PLA2G2F: variants seen among roughly 807,000 people sequenced by gnomAD.
PLA2G2F encodes the protein group IIF secretory phospholipase A2.
In PLA2G2F, 17 loss-of-function variants were observed where a neutral mutation model predicts 15.9. The ratio of observed to expected loss-of-function variants is 1.07; its 90% confidence interval spans 0.73 to 1.60. The LOEUF (loss-of-function observed/expected upper bound fraction) is 1.60, where lower values mean the gene tolerates loss of function less well. Ranked by LOEUF, PLA2G2F falls within the 40% of genes most tolerant of loss-of-function variation. PLA2G2F has a pLI of 0.00. For missense variants in PLA2G2F, 299 were observed against 278.2 expected (o/e 1.07, Z -0.53); for synonymous variants, 119 against 106.5 (o/e 1.12, Z -0.72).
rs569735640 is a variant in PLA2G2F, at chr1:20,140,221, G to A, written c.169+3G>A. On this transcript the variant is annotated splice_donor_region_variant and intron_variant, in intron 2 of 4. Transcript: ENST00000375102. The stretch of plus-strand genomic sequence containing the variant: ...CGTGGCCATCCTTGCTGGCAGCGGT[G>A]AGTAAAGACTCCAGAGGGCTCCTCC... 20 of 1,613,748 alleles carry A rather than the reference G, an allele frequency of 1.2e-5. No homozygotes were observed. In the East Asian group the frequency reaches 3.3e-4, roughly 27 times the overall value.
chr1:20,148,377 C>T lies in PLA2G2F; in HGVS notation c.612C>T (p.Ser204=). Residue 204 remains serine, a synonymous_variant, in exon 5 of 5, where the codon TCC becomes TCT. Transcript: ENST00000375102. ...PPEEVTCSHQ[S]PAPPAPP ...AGGAGGTCACCTGCAGTCACCAATCCCCAGCGCCCCCCGCCCCTCCCTAGA... is the reference window on the plus strand; with the variant it reads ...AGGAGGTCACCTGCAGTCACCAATCTCCAGCGCCCCCCGCCCCTCCCTAGA... 1.2e-6 allele frequency: 2 copies of T among 1,612,864 alleles called. No homozygotes were observed. Among genetic ancestry groups the T allele is most frequent in the Non-Finnish European group, 1.7e-6 (2 of 1,179,206 alleles).
At chr1:20,142,327 G>C (rs1247470626) in intron 2 of PLA2G2F, 1 of 152,438 alleles carries the variant, frequency 6.6e-6, no homozygotes, top group African/African-American at 2.4e-5. Flanking sequence ...CCTCCAGCCT[G>C]TGGGACCTGG....
intron 4 of PLA2G2F, 61 bp downstream of exon 4, chr1:20,144,750 G>C: frequency 7.3e-7 from 1 of 1,363,578 alleles, no homozygotes; most frequent in Non-Finnish European, 1.0e-6. Context: ...CTACCAGCCT[G>C]TGCTGGGATG....
At position 20,148,427 on chromosome 1, in the gene PLA2G2F, C is replaced by A. The variant is rs556162631; in HGVS notation, c.*26C>A. ...AGCCTCTGAGGTTTGAGAGAGAGAG[C>A]GGGAGGAGGGTCTGGCTTGGGGACC... is the stretch of plus-strand genomic sequence containing the variant. On this transcript the variant is annotated 3_prime_UTR_variant, in exon 5 of 5. Coordinates refer to ENST00000375102, the MANE Select transcript of PLA2G2F (RefSeq NM_022819.4). 6.4e-7 allele frequency: 1 copy of A among 1,574,108 alleles called. No homozygotes were observed. The highest frequency in any genetic ancestry group is 1.3e-5 in the African/African-American group (1 of 74,238).
chr1:20,139,861 C>G (rs1195971875), intron 1 of PLA2G2F, among the ~76,000 whole-genome samples: 1 of 152,130 alleles, frequency 6.6e-6, no homozygotes, highest in Non-Finnish European at 1.5e-5. Context: ...CCCGGACTCC[C>G]TAGTGTGTGC....
chr1:20,149,973 G>C lies in PLA2G2F; in HGVS notation c.*1572G>C, dbSNP rs1362571648. On this transcript the variant is annotated 3_prime_UTR_variant, in exon 5 of 5. Coordinates refer to ENST00000375102, the MANE Select transcript of PLA2G2F (RefSeq NM_022819.4). Reference sequence around the variant, plus strand: ...ATTGTCGCTGGGGAGGGAGAGCCGGGAAGGGTGGAGAAGGAGGCAGAAGGG... The same window carrying C: ...ATTGTCGCTGGGGAGGGAGAGCCGGCAAGGGTGGAGAAGGAGGCAGAAGGG... 6.6e-6 allele frequency: 1 copy of C among 152,342 alleles called. No homozygotes were observed. Among genetic ancestry groups the C allele is most frequent in the African/African-American group, 2.4e-5 (1 of 41,370 alleles). 9.4% of individuals were successfully genotyped at this position (152,342 alleles called of 1,614,324 possible). A position where few individuals can be genotyped will look rare whatever the true frequency, so the allele number is the denominator to read the frequency against.
intron 2 of PLA2G2F, chr1:20,143,143 T>C (rs938364581): frequency 6.7e-6 from 2 of 300,678 alleles, no homozygotes; most frequent in Non-Finnish European, 1.3e-5. Flanking sequence ...AATGGATTCA[T>C]GCACATGGAA....
At position 20,144,583 on chromosome 1, in the gene PLA2G2F, C is replaced by T; in HGVS notation, c.318C>T (p.Cys106=). 1 of 1,608,266 alleles carries T rather than the reference C, an allele frequency of 6.2e-7. No individual in the cohort carries two copies. Among genetic ancestry groups the T allele is most frequent in the Non-Finnish European group, 8.5e-7 (1 of 1,177,150 alleles). The stretch of plus-strand genomic sequence containing the variant: ...ACTCACCTCTGCCGCTCCCTAGGTG[C>T]TGCCACGCCCACGACTGCTGCTACC... The part of the protein sequence containing the change: ...RGQPKDEVDW[C]CHAHDCCYQE... The change falls in exon 4 of 5, where the codon TGC becomes TGT. Residue 106 remains cysteine (C), a synonymous_variant. Coordinates refer to ENST00000375102, the MANE Select transcript of PLA2G2F (RefSeq NM_022819.4).
intron 2 of PLA2G2F, chr1:20,143,194 A>C: frequency 2.2e-6 from 1 of 463,366 alleles, no homozygotes; most frequent in Non-Finnish European, 3.9e-6. Flanking sequence ...AGTCCCTAGC[A>C]AGGATGACCT....
At position 20,143,477 on chromosome 1, in the gene PLA2G2F, C is replaced by T. The variant is rs745699373; in HGVS notation, c.201C>T (p.Asn67=). Reference sequence around the variant, plus strand: ...CCACAGCTCACGGCAGCCTGCTCAACCTGAAGGCCATGGTGGAGGCCGTCA... The same window carrying T: ...CCACAGCTCACGGCAGCCTGCTCAATCTGAAGGCCATGGTGGAGGCCGTCA... ...VLSTAHGSLL[N]LKAMVEAVTG... is the part of the protein sequence containing the mutation. The change falls in exon 3 of 5, where the codon AAC becomes AAT. Residue 67 remains asparagine (N), a synonymous_variant. Coordinates refer to ENST00000375102, the MANE Select transcript of PLA2G2F (RefSeq NM_022819.4). 6.2e-7 allele frequency: 1 copy of T among 1,614,078 alleles called. No homozygotes were observed. The highest frequency in any genetic ancestry group is 1.7e-5 in the Admixed American group (1 of 60,016).
Position 20,148,864 on chromosome 1 carries a change from G to A in PLA2G2F, c.*463G>A, listed in dbSNP as rs1006005155. Reference sequence around the variant, plus strand: ...GCTGGTCACAAAGCATGGGTTCCGGGAGCCCCTCAGCTGATCCCACAGGAT... The same window carrying A: ...GCTGGTCACAAAGCATGGGTTCCGGAAGCCCCTCAGCTGATCCCACAGGAT... On this transcript the variant is annotated 3_prime_UTR_variant, in exon 5 of 5. Coordinates refer to ENST00000375102, the MANE Select transcript of PLA2G2F (RefSeq NM_022819.4). The A allele has an allele frequency of 1.2e-5, 2 of 171,886 alleles. No homozygotes were observed. The highest frequency in any genetic ancestry group is 5.5e-5 in the Admixed American group (1 of 18,264). The allele number at this position is 171,886 out of a possible 1,614,324, so 10.6% of individuals were successfully genotyped here. A position where few individuals can be genotyped will look rare whatever the true frequency, so the allele number is the denominator to read the frequency against.
chr1:20,140,742 C>G (rs2017441262), intron 2 of PLA2G2F: 1 of 157,434 alleles, frequency 6.4e-6, no homozygotes, highest in Admixed American at 6.1e-5. Flanking sequence ...CATAGATCTG[C>G]AGGAGGGTGT....
At position 20,141,428 on chromosome 1, in the gene PLA2G2F, G is replaced by A. The variant is rs956179046; in HGVS notation, c.169+1210G>A. On this transcript the variant is annotated intron_variant, in intron 2 of 4. Coordinates refer to ENST00000375102, the MANE Select transcript of PLA2G2F (RefSeq NM_022819.4). The stretch of plus-strand genomic sequence containing the variant: ...GTGGGGGTGAGTGTGAGTTTGAGGT[G>A]TCTGGGAATGAGTGTGTATGCAAGT... 4 of 152,828 alleles carry A rather than the reference G, an allele frequency of 2.6e-5. No homozygotes were observed. In the Admixed American group the frequency reaches 2.6e-4, roughly 10 times the overall value. The allele number at this position is 152,828 out of a possible 1,614,324, so 9.5% of individuals were successfully genotyped here.
At chr1:20,147,412 T>C (rs1178006184) in intron 4 of PLA2G2F, among the ~76,000 whole-genome samples, 1 of 152,122 alleles carries the variant, frequency 6.6e-6, no homozygotes, top group African/African-American at 2.4e-5. Flanking sequence ...TTTTGAACAA[T>C]TGTTTTTCCC....
chr1:20,142,405 T>A (rs919929694), intron 2 of PLA2G2F: 1 of 152,404 alleles, frequency 6.6e-6, no homozygotes, highest in African/African-American at 2.4e-5. Context: ...GCTCTCCTGC[T>A]GGTGTGTGTA....
chr1:20,144,909 G>C (rs530919914), intron 4 of PLA2G2F, among the ~76,000 whole-genome samples: 3 of 152,102 alleles, frequency 2.0e-5, no homozygotes, highest in Non-Finnish European at 4.4e-5. Context: ...AAAACCCGTC[G>C]CTAGTAAAAA....
intron 3 of PLA2G2F, chr1:20,144,134 G>A (rs769063715): frequency 2.1e-5 from 4 of 190,966 alleles, no homozygotes; most frequent in Admixed American, 5.5e-5. Context: ...TTTCTTGTTC[G>A]CCATCCTACC....
chr1:20,139,738 G>C (rs1165975149), intron 1 of PLA2G2F, among the ~76,000 whole-genome samples, 195 bp downstream of exon 1: 1 of 152,236 alleles, frequency 6.6e-6, no homozygotes, highest in African/African-American at 2.4e-5. Context: ...TGTGGCCCAG[G>C]GAGGCTGAGG....
At chr1:20,143,881 A>G (rs2017530874) in intron 3 of PLA2G2F, 1 of 311,432 alleles carries the variant, frequency 3.2e-6, no homozygotes, top group Non-Finnish European at 6.0e-6. Context: ...GAGCAGTCAC[A>G]CAGCTGACAC....
Sources: gnomAD v4.1 joint callset for allele counts (sites outside exome capture counted in the v4.1 genomes callset) on GRCh38, gnomAD v4.1.1 for gene constraint, MANE v1.5 for transcripts, NCBI Gene and HGNC (gene_info 2026-07-23, HGNC 2026-07-21) for gene names.